Variants in INSL6 observed in about 807,000 individuals in gnomAD.
The protein encoded by INSL6 is insulin like 6.
In INSL6, 16 loss-of-function variants were observed where a neutral mutation model predicts 9.4. That is an observed-to-expected ratio of 1.70 (90% CI 1.15 to 2.59). INSL6 has a LOEUF of 2.59. INSL6 is among the 30% of genes most tolerant of loss of function. The pLI is 0.00. For missense variants in INSL6, 391 were observed against 257.3 expected (o/e 1.52, Z -3.56); for synonymous variants, 154 against 96.9 (o/e 1.59, Z -3.46).
the INSL6 span, among the ~76,000 whole-genome samples, chr9:5,084,754 A>C: frequency 2.6e-5 from 4 of 152,220 alleles, no homozygotes; most frequent in African/African-American, 7.2e-5. Context: ...AAACAGTACC[A>C]CATATAACCA....
the INSL6 span, chr9:5,081,589 T>C: frequency 2.9e-5 from 18 of 613,376 alleles, no homozygotes; most frequent in African/African-American, 1.3e-4. Context: ...ATTAATATAA[T>C]TGAAACTATT....
the INSL6 span, among the ~76,000 whole-genome samples, chr9:5,102,194 A>C: frequency 6.6e-6 from 1 of 152,224 alleles, no homozygotes; most frequent in Non-Finnish European, 1.5e-5. Flanking sequence ...AGAAGACCTT[A>C]AATGACCTGA....
intron 3 of INSL6, among the ~76,000 whole-genome samples, chr9:5,129,230 T>C (rs1416120532): frequency 6.6e-6 from 1 of 152,120 alleles, no homozygotes. Context: ...TTATTGAGCC[T>C]ATGTTAATTT....
the INSL6 span, among the ~76,000 whole-genome samples, chr9:5,008,183 AGTC>A: frequency 6.6e-6 from 1 of 152,222 alleles, no homozygotes; most frequent in African/African-American, 2.4e-5. Context: ...CTATACATAA[AGTC>A]AATATTATGG....
chr9:5,106,613 T>C, the INSL6 span, among the ~76,000 whole-genome samples: 4 of 152,166 alleles, frequency 2.6e-5, no homozygotes, highest in Non-Finnish European at 4.4e-5. Flanking sequence ...ATGTTTACTG[T>C]GGCACTATTC....
intron 1 of INSL6, among the ~76,000 whole-genome samples, chr9:5,176,177 T>A (rs1317832423): frequency 1.3e-5 from 2 of 152,204 alleles, no homozygotes. Flanking sequence ...GAAGGGCCTC[T>A]GCTCCACTAT....
chr9:5,061,674 C>T, the INSL6 span, among the ~76,000 whole-genome samples: 2 of 152,202 alleles, frequency 1.3e-5, no homozygotes, highest in African/African-American at 4.8e-5. Context: ...ATCAATAAGG[C>T]TGTTCACTTT....
the INSL6 span, among the ~76,000 whole-genome samples, chr9:5,012,853 A>C: frequency 2.8e-4 from 42 of 152,264 alleles, 1 homozygote; most frequent in Admixed American, 2.0e-4. Flanking sequence ...CATTCGTAAA[A>C]TATGAGGGTG....
intron 1 of INSL6, among the ~76,000 whole-genome samples, chr9:5,172,589 A>T (rs1420347147): frequency 2.0e-5 from 3 of 152,220 alleles, no homozygotes; most frequent in Non-Finnish European, 4.4e-5. Flanking sequence ...TCCAGAATCT[A>T]CAAGGAACTT....
the INSL6 span, among the ~76,000 whole-genome samples, chr9:5,009,320 A>C: frequency 5.9e-5 from 9 of 152,234 alleles, no homozygotes; most frequent in Non-Finnish European, 8.8e-5. Context: ...TAAAGCCGTG[A>C]AGAATATCCA....
At chr9:5,103,511 A>G in the INSL6 span, among the ~76,000 whole-genome samples, 4 of 152,248 alleles carry the variant, frequency 2.6e-5, no homozygotes, top group South Asian at 2.1e-4. Context: ...AGACAGATCA[A>G]TGAGACAGAA....
At chr9:5,030,016 G>T in the INSL6 span, 2 of 817,946 alleles carry the variant, frequency 2.4e-6, no homozygotes, top group Non-Finnish European at 3.7e-6. Flanking sequence ...GAACCAATTA[G>T]TTAGCACTCA....
the INSL6 span, among the ~76,000 whole-genome samples, chr9:5,023,550 T>A: frequency 6.6e-6 from 1 of 152,220 alleles, no homozygotes; most frequent in Admixed American, 6.5e-5. Context: ...GGGTCTCTCC[T>A]GTGACTAAAA....
chr9:5,132,967 C>T (rs1004823126), intron 3 of INSL6: 1 of 152,172 alleles, frequency 6.6e-6, no homozygotes, highest in African/African-American at 2.4e-5. Flanking sequence ...ATAATCTCAT[C>T]ATCCATAAAG....
the INSL6 span, among the ~76,000 whole-genome samples, chr9:5,009,241 C>T: frequency 6.6e-6 from 1 of 152,070 alleles, no homozygotes; most frequent in Non-Finnish European, 1.5e-5. Flanking sequence ...GAGAACGATC[C>T]ATTTATTTAT....
At chr9:5,097,308 A>T in the INSL6 span, 2 of 151,980 alleles carry the variant, frequency 1.3e-5, no homozygotes, top group Admixed American at 6.6e-5. Context: ...CCTCAACACT[A>T]CTTTTTGACC....
At chr9:5,081,044 C>T in the INSL6 span, among the ~76,000 whole-genome samples, 5 of 151,578 alleles carry the variant, frequency 3.3e-5, no homozygotes, top group South Asian at 4.2e-4. Context: ...TACAGGCGCC[C>T]GCCACCACAC....
At chr9:5,036,249 A>T in the INSL6 span, among the ~76,000 whole-genome samples, 1 of 152,234 alleles carries the variant, frequency 6.6e-6, no homozygotes, top group Non-Finnish European at 1.5e-5. Context: ...ATGGAAGAAC[A>T]TTCCATGCTC....
intron 2 of INSL6, among the ~76,000 whole-genome samples, chr9:5,141,855 T>G (rs987874315): frequency 1.3e-5 from 2 of 152,224 alleles, no homozygotes; most frequent in East Asian, 3.8e-4. Context: ...GTTTTGGGAT[T>G]TATATTTAAG....
Sources: allele counts gnomAD v4.1 joint callset (sites outside exome capture counted in the v4.1 genomes callset), GRCh38; gene constraint gnomAD v4.1.1; transcripts MANE v1.5; gene names NCBI Gene and HGNC (gene_info 2026-07-23, HGNC 2026-07-21).